The following SAR1A variants were observed in gnomAD, a reference collection of about 807,000 sequenced individuals.
The protein encoded by SAR1A is secretion associated Ras related GTPase 1A.
A neutral mutation model predicts 22.6 loss-of-function variants in SAR1A; 6 were observed. The observed-to-expected ratio is 0.27, with a 90% CI of 0.15 to 0.52. The LOEUF is 0.52. Among genes scored for constraint, SAR1A ranks in the 20% least tolerant of loss-of-function variants. SAR1A has a pLI of 0.96. For missense variants in SAR1A, 145 were observed against 245.1 expected, an observed-to-expected ratio of 0.59 and a Z score of 2.73; for synonymous variants, 70 against 82.2, an observed-to-expected ratio of 0.85 and a Z score of 0.80.
At chr10:70,158,720 T>C (rs1349622491) in intron 4 of SAR1A, among the ~76,000 whole-genome samples, 2 of 147,692 alleles carry the variant, frequency 1.4e-5, no homozygotes, top group East Asian at 3.9e-4. Context: ...TACATCGAAC[T>C]TGCTCTCCTT....
intron 1 of SAR1A, among the ~76,000 whole-genome samples, chr10:70,163,205 G>A (rs910707283): frequency 3.3e-5 from 5 of 152,062 alleles, no homozygotes; most frequent in South Asian, 2.1e-4. Context: ...ACCCATGAAC[G>A]TCAAGAAAAT....
rs558827392 is a variant in SAR1A at position 70,165,279 on chromosome 10, A to G, written c.-16-3348T>C. 2.0e-5 allele frequency among the ~76,000 whole-genome samples: 3 copies of G among 152,032 alleles called. No individual in the cohort carries two copies. The East Asian group carries it at 5.8e-4, about 29-fold the overall frequency. On this transcript the variant is annotated intron_variant, in intron 1 of 6. Coordinates refer to ENST00000373241, the MANE Select transcript of SAR1A (RefSeq NM_020150.5). ...GACTCCGTCTCAAAAAAAAAAAAAA[A>G]AAAAAAGAAATATATTTCACAAAGC...
chr10:70,156,075 G>C (rs1839383603), intron 5 of SAR1A, among the ~76,000 whole-genome samples: 1 of 152,166 alleles, frequency 6.6e-6, no homozygotes, highest in South Asian at 2.1e-4. Flanking sequence ...TGGTGGGTGG[G>C]AAAGACAAAT....
chr10:70,160,124 A>G (rs1013060974), intron 4 of SAR1A, among the ~76,000 whole-genome samples: 1 of 152,174 alleles, frequency 6.6e-6, no homozygotes, highest in African/African-American at 2.4e-5. Flanking sequence ...AAATGACTTC[A>G]TAACTAGATA....
At chr10:70,161,265 G>C (rs1353174727) in intron 3 of SAR1A, 196 bp from the exon 4 acceptor site, 4 of 558,624 alleles carry the variant, frequency 7.2e-6, no homozygotes, top group Non-Finnish European at 1.3e-5. Context: ...GGATTTTTGA[G>C]ACCAGCCCAG....
rs185970477 is a variant in SAR1A, at chr10:70,167,003, A to T, written c.-17+3410T>A. Among the ~76,000 whole-genome samples the T allele has an allele frequency of 2.0e-5, 3 of 152,188 alleles. 1 individual carries two copies. Among genetic ancestry groups the T allele is most frequent in the Admixed American group, 2.0e-4 (3 of 15,282 alleles). ...TGGCAGAGCAAGACCCTGTCTCAAG[A>T]AACAAAAAAGCAAAAAAAGAATACT... On this transcript the variant is annotated intron_variant, in intron 1 of 6. Coordinates refer to ENST00000373241, the MANE Select transcript of SAR1A (RefSeq NM_020150.5).
chr10:70,161,567 C>T, intron 3 of SAR1A, 52 bp downstream of exon 3: 1 of 1,605,160 alleles, frequency 6.2e-7, no homozygotes, highest in Non-Finnish European at 8.5e-7. Context: ...ATCCTCCACG[C>T]CTAACACTGA....
At chr10:70,153,065 GAAGT>G (rs1240572355) in intron 6 of SAR1A, among the ~76,000 whole-genome samples, 2 of 152,126 alleles carry the variant, frequency 1.3e-5, no homozygotes, top group Non-Finnish European at 1.5e-5. Context: ...TGAAAGAAAG[GAAGT>G]ATTTCTATAA....
intron 5 of SAR1A, among the ~76,000 whole-genome samples, chr10:70,154,611 C>T (rs146701938): frequency 6.6e-6 from 1 of 152,168 alleles, no homozygotes; most frequent in East Asian, 1.9e-4. Flanking sequence ...GCATGTGCTA[C>T]CACGCCTGGC....
intron 4 of SAR1A, among the ~76,000 whole-genome samples, chr10:70,158,195 CT>C (rs1210779672): frequency 6.6e-6 from 1 of 152,208 alleles, no homozygotes; most frequent in East Asian, 1.9e-4. Context: ...TGTCTGAACA[CT>C]TTTGCTTGAC....
In SAR1A at chr10:70,161,667, T is replaced by C. The variant is rs1564570715; in HGVS notation, c.130A>G (p.Met44Val). The stretch of plus-strand genomic sequence containing the variant: ...TGGCCCAATCTGTCATCTTTGAGCA[T>C]GTGAAGAAGAGTGGTTTTGCCTGCA... ...DNAGKTTLLH[M>V]LKDDRLGQHV... The change falls in exon 3 of 7, where the codon ATG becomes GTG. Residue 44 changes from methionine to valine, a missense_variant. Around this residue, in one of 3 missense-constraint regions of SAR1A, gnomAD observed 40 missense variants for 105.7 expected, o/e 0.38. Transcript: ENST00000373241. The C allele has an allele frequency of 6.2e-7, 1 of 1,612,592 alleles. No homozygotes were observed. Among genetic ancestry groups the C allele is most frequent in the Non-Finnish European group, 8.5e-7 (1 of 1,179,970 alleles).
intron 3 of SAR1A, chr10:70,161,274 A>C (rs1839464724): frequency 1.8e-6 from 1 of 556,786 alleles, no homozygotes; most frequent in Admixed American, 3.5e-5. Flanking sequence ...AGACCAGCCC[A>C]GGCAACGCCC....
chr10:70,156,484 T>A (rs1391566663), intron 5 of SAR1A, among the ~76,000 whole-genome samples: 1 of 152,004 alleles, frequency 6.6e-6, no homozygotes, highest in Non-Finnish European at 1.5e-5. Flanking sequence ...GGCAACATAA[T>A]GAGACCCTGT....
intron 1 of SAR1A, among the ~76,000 whole-genome samples, chr10:70,165,264 C>CAAAA (rs34191043): frequency 1.7e-4 from 16 of 92,904 alleles, no homozygotes; most frequent in South Asian, 3.6e-4. Context: ...GACTCCGTCT[C>CAAAA]AAAAAAAAAA....
intron 5 of SAR1A, among the ~76,000 whole-genome samples, chr10:70,155,400 G>A (rs140270979): frequency 1.3e-5 from 2 of 152,286 alleles, no homozygotes; most frequent in Non-Finnish European, 2.9e-5. Context: ...AAGCTAGCGG[G>A]GAAAGCAGAG....
intron 5 of SAR1A, among the ~76,000 whole-genome samples, chr10:70,157,401 CAAAAAAAAAAAAAA>C (rs55801259): frequency 9.1e-5 from 12 of 131,230 alleles, no homozygotes; most frequent in Non-Finnish European, 8.0e-5. Flanking sequence ...AAGACTCCGT[CAAAAAAAAAAAAAA>C]AAAAAAAAAA....
chr10:70,158,169 C>T (rs189571903), intron 4 of SAR1A, among the ~76,000 whole-genome samples: 5 of 152,366 alleles, frequency 3.3e-5, no homozygotes. Context: ...TAAGCAGTGG[C>T]TGCCCCTTCA....
intron 4 of SAR1A, among the ~76,000 whole-genome samples, chr10:70,159,276 C>T (rs1839434708): frequency 6.6e-6 from 1 of 152,114 alleles, no homozygotes; most frequent in Admixed American, 6.5e-5. Context: ...CATGATTTTT[C>T]AGGGCATAAA....
intron 1 of SAR1A, among the ~76,000 whole-genome samples, chr10:70,163,204 C>T (rs534479416): frequency 3.9e-5 from 6 of 152,076 alleles, no homozygotes; most frequent in Admixed American, 6.6e-5. Flanking sequence ...AACCCATGAA[C>T]GTCAAGAAAA....
Sources: allele counts gnomAD v4.1 joint callset (sites outside exome capture counted in the v4.1 genomes callset), GRCh38; gene constraint gnomAD v4.1.1; regional missense constraint gnomAD v4.1.1; transcripts MANE v1.5; gene names NCBI Gene and HGNC (gene_info 2026-07-23, HGNC 2026-07-21).